The following CFAP52 variants were observed in gnomAD, a reference collection of about 807,000 sequenced individuals.
CFAP52 encodes the protein cilia- and flagella-associated protein 52.
CFAP52 carries 57 observed loss-of-function variants against 70.5 expected under a neutral mutation model. The ratio of observed to expected loss-of-function variants is 0.81; its 90% CI spans 0.65 to 1.01. CFAP52 has a LOEUF of 1.01. CFAP52 is among the 50% of genes least tolerant of loss of function. The pLI, the probability that CFAP52 is intolerant of heterozygous loss-of-function variation, is 0.00. For missense variants in CFAP52, 785 were observed against 788.5 expected (o/e 1.00, Z 0.05); for synonymous variants, 267 against 292.5 (o/e 0.91, Z 0.89).
intron 8 of CFAP52, among the ~76,000 whole-genome samples, chr17:9,627,106 G>A (rs1393639453): frequency 6.7e-6 from 1 of 148,526 alleles, no homozygotes; most frequent in Non-Finnish European, 1.5e-5. Flanking sequence ...TGTATTTAGA[G>A]GTTGCCTTTT....
chr17:9,615,611 C>T (rs1463848242), intron 8 of CFAP52, among the ~76,000 whole-genome samples: 1 of 150,606 alleles, frequency 6.6e-6, no homozygotes, highest in Non-Finnish European at 1.5e-5. Flanking sequence ...TTAGTGGTTA[C>T]CCTTGAATTG....
At chr17:9,634,315 G>A (rs1361762420) in intron 10 of CFAP52, among the ~76,000 whole-genome samples, 1 of 152,150 alleles carries the variant, frequency 6.6e-6, no homozygotes, top group East Asian at 1.9e-4. Context: ...TGACTACTAT[G>A]TTTTCTGGTG....
At chr17:9,641,917 G>T in intron 13 of CFAP52, 82 bp downstream of exon 13, 1 of 1,263,602 alleles carries the variant, frequency 7.9e-7, no homozygotes, top group Middle Eastern at 2.0e-4. Flanking sequence ...GAGGCAATTG[G>T]AAAAGACAAC....
chr17:9,624,468 A>G (rs1398382196), intron 8 of CFAP52, among the ~76,000 whole-genome samples: 3 of 152,040 alleles, frequency 2.0e-5, no homozygotes, highest in Non-Finnish European at 2.9e-5. Flanking sequence ...AATTTATTTT[A>G]GTTATTGTAC....
intron 4 of CFAP52, 26 bp from the exon 5 acceptor site, chr17:9,598,208 G>T (rs779816732): frequency 1.3e-5 from 20 of 1,523,306 alleles, no homozygotes; most frequent in East Asian, 4.7e-5. Context: ...TTTGATTGTG[G>T]TTTTTTGTTT....
chr17:9,578,421 G>A (rs1279907957), intron 1 of CFAP52, among the ~76,000 whole-genome samples: 2 of 152,152 alleles, frequency 1.3e-5, no homozygotes, highest in East Asian at 1.9e-4. Flanking sequence ...TTCTTATGGC[G>A]GGTTGAACAG....
chr17:9,604,859 T>A (rs1057033691), intron 6 of CFAP52, among the ~76,000 whole-genome samples: 1 of 152,122 alleles, frequency 6.6e-6, no homozygotes, highest in Non-Finnish European at 1.5e-5. Context: ...ATGTCTTATA[T>A]CAGCCGGGAA....
intron 13 of CFAP52, among the ~76,000 whole-genome samples, chr17:9,642,307 C>A (rs907929061): frequency 6.6e-6 from 1 of 152,226 alleles, no homozygotes; most frequent in South Asian, 2.1e-4. Flanking sequence ...TCCTGCCAAG[C>A]TCTTTGATTC....
At chr17:9,609,531 C>CA (rs1184777499) in intron 7 of CFAP52, among the ~76,000 whole-genome samples, 1 of 151,822 alleles carries the variant, frequency 6.6e-6, no homozygotes, top group East Asian at 1.9e-4. Flanking sequence ...CTCATCTCTA[C>CA]AAAAAAATAC....
chr17:9,626,647 A>G (rs1319474565), intron 8 of CFAP52, among the ~76,000 whole-genome samples: 1 of 152,234 alleles, frequency 6.6e-6, no homozygotes, highest in Non-Finnish European at 1.5e-5. Context: ...CAAAGGCATT[A>G]TCTAATATAA....
intron 7 of CFAP52, among the ~76,000 whole-genome samples, chr17:9,611,810 G>T (rs1281465381): frequency 6.6e-6 from 1 of 151,656 alleles, no homozygotes; most frequent in Non-Finnish European, 1.5e-5. Context: ...CTTTTTTTAG[G>T]CAAATATCCT....
chr17:9,642,215 T>C (rs1267072785), intron 13 of CFAP52, among the ~76,000 whole-genome samples: 2 of 152,218 alleles, frequency 1.3e-5, no homozygotes, highest in Non-Finnish European at 2.9e-5. Flanking sequence ...TGCGATGCCC[T>C]TCCCACCAAA....
Position 9,576,854 on chromosome 17 carries a change from T to C in CFAP52, c.70+89T>C. ...GGAATAGTGAGACACCGGGGACACC[T>C]GAAAGGCAGTGTGGGACAACGGCAG... On this transcript the variant is annotated intron_variant, in intron 1 of 13. Coordinates refer to ENST00000352665, the MANE Select transcript of CFAP52 (RefSeq NM_145054.5). The C allele has an allele frequency of 3.6e-6, 5 of 1,371,546 alleles. No individual in the cohort carries two copies. The South Asian group carries it at 4.4e-5, about 12-fold the overall frequency. 85.0% of individuals were successfully genotyped at this position (1,371,546 alleles called of 1,614,324 possible). A position where few individuals can be genotyped will look rare whatever the true frequency, so the allele number is the denominator to read the frequency against.
chr17:9,615,623 T>C (rs953187684), intron 8 of CFAP52, among the ~76,000 whole-genome samples: 5 of 130,470 alleles, frequency 3.8e-5, no homozygotes, highest in Non-Finnish European at 5.1e-5. Context: ...CTTGAATTGT[T>C]TTTTTTTCTT....
chr17:9,624,119 T>C (rs1328581309), intron 8 of CFAP52, among the ~76,000 whole-genome samples: 1 of 152,194 alleles, frequency 6.6e-6, no homozygotes, highest in East Asian at 1.9e-4. Flanking sequence ...TTTTCTTTGC[T>C]TTTGTCTTTC....
chr17:9,600,976 G>A (rs944589281), intron 6 of CFAP52, among the ~76,000 whole-genome samples: 7 of 152,022 alleles, frequency 4.6e-5, no homozygotes, highest in African/African-American at 1.4e-4. Context: ...AGTCATTGGC[G>A]GCACTATTCA....
At chr17:9,644,152 T>C (rs1437591037), downstream of CFAP52, among the ~76,000 whole-genome samples, 1 of 151,962 alleles carries the variant, frequency 6.6e-6, no homozygotes, top group Non-Finnish European at 1.5e-5. Flanking sequence ...TGTCGCAATT[T>C]AGCTCTTGTC....
At chr17:9,634,286 A>C (rs1910681315) in intron 10 of CFAP52, among the ~76,000 whole-genome samples, 1 of 152,228 alleles carries the variant, frequency 6.6e-6, no homozygotes, top group Non-Finnish European at 1.5e-5. Context: ...CATAGGCACT[A>C]TAAGAAGGCG....
At chr17:9,624,826 C>A (rs1210305647) in intron 8 of CFAP52, among the ~76,000 whole-genome samples, 1 of 152,122 alleles carries the variant, frequency 6.6e-6, no homozygotes, top group East Asian at 1.9e-4. Flanking sequence ...ACTCAAACTG[C>A]AAATTTTGCC....
Sources: allele counts gnomAD v4.1 joint callset (sites outside exome capture counted in the v4.1 genomes callset), GRCh38; gene constraint gnomAD v4.1.1; transcripts MANE v1.5; gene names NCBI Gene and HGNC (gene_info 2026-07-23, HGNC 2026-07-21).